Variants in PRKG1 observed in about 807,000 individuals in gnomAD.
PRKG1 encodes protein kinase cGMP-dependent 1.
In PRKG1, 35 loss-of-function variants were observed where a neutral mutation model predicts 88.1. The ratio of observed to expected loss-of-function variants is 0.40; its 90% CI spans 0.30 to 0.53. The LOEUF (loss-of-function observed/expected upper bound fraction) is 0.53. Among genes scored for constraint, PRKG1 ranks in the 20% least tolerant of loss-of-function variants. PRKG1 has a pLI of 0.59. For synonymous variants in PRKG1, 303 were observed against 292.5 expected, an observed-to-expected ratio of 1.04 and a Z score of -0.37; for missense variants, 540 against 839.8, an observed-to-expected ratio of 0.64 and a Z score of 4.41.
At chr10:51,878,758 G>A (rs1841365426) in intron 4 of PRKG1, among the ~76,000 whole-genome samples, 1 of 152,140 alleles carries the variant, frequency 6.6e-6, no homozygotes, top group African/African-American at 2.4e-5. Flanking sequence ...ACTGACTAGA[G>A]CTGGCTATTT....
Position 51,232,663 on chromosome 10 carries a change from T to C in PRKG1, c.478+79333T>C, listed in dbSNP as rs139002432. ...TACCTCAGTGCAATGGAAAAAAAAA[T>C]TCTTGACAAAAGGATCAAATAGAAG... On this transcript the variant is annotated intron_variant, in intron 2 of 17. Transcript: ENST00000373980. Among the ~76,000 whole-genome samples, 457 of 152,190 alleles carry C rather than the reference T, an allele frequency of 3.0e-3. 1 individual carries two copies. The highest frequency in any genetic ancestry group is 0.01 in the African/African-American group (425 of 41,510).
intron 2 of PRKG1, among the ~76,000 whole-genome samples, chr10:51,453,108 C>G (rs1384268755): frequency 1.3e-5 from 2 of 151,734 alleles, no homozygotes; most frequent in Non-Finnish European, 2.9e-5. Context: ...TTGAATGATC[C>G]TTTGTATTTC....
intron 7 of PRKG1, among the ~76,000 whole-genome samples, chr10:52,088,984 T>C (rs1190173455): frequency 6.6e-6 from 1 of 152,218 alleles, no homozygotes; most frequent in Non-Finnish European, 1.5e-5. Flanking sequence ...TTATTTCAGA[T>C]GTATTTCTGT....
chr10:51,256,661 G>C, intron 2 of PRKG1, among the ~76,000 whole-genome samples: 1 of 151,156 alleles, frequency 6.6e-6, no homozygotes, highest in South Asian at 2.1e-4. Flanking sequence ...TAGACAAATA[G>C]AAAGACACAG....
intron 3 of PRKG1, among the ~76,000 whole-genome samples, chr10:51,472,939 G>C (rs1443977013): frequency 1.3e-5 from 2 of 151,924 alleles, no homozygotes; most frequent in East Asian, 3.9e-4. Flanking sequence ...AAGGGGAGAA[G>C]ACACAAATTA....
intron 2 of PRKG1, among the ~76,000 whole-genome samples, chr10:51,339,494 T>G (rs1327450376): frequency 6.6e-6 from 1 of 151,900 alleles, no homozygotes; most frequent in East Asian, 1.9e-4. Context: ...ATAATTTTAA[T>G]TTTCATTATA....
chr10:51,595,451 A>G (rs1838419876), intron 3 of PRKG1, among the ~76,000 whole-genome samples: 1 of 152,126 alleles, frequency 6.6e-6, no homozygotes, highest in Non-Finnish European at 1.5e-5. Context: ...CAACATGGTA[A>G]AATCCTGTTT....
At chr10:51,084,846 TC>T (rs1844208923) in intron 1 of PRKG1, among the ~76,000 whole-genome samples, 1 of 152,174 alleles carries the variant, frequency 6.6e-6, no homozygotes. Flanking sequence ...ACAAATACAC[TC>T]TAGTTAAGCA....
chr10:51,165,423 G>C (rs541987250), intron 2 of PRKG1, among the ~76,000 whole-genome samples: 14 of 151,852 alleles, frequency 9.2e-5, no homozygotes, highest in East Asian at 1.9e-4. Flanking sequence ...AGGAACAACC[G>C]GTACCAGCCA....
chr10:51,780,628 T>C lies in PRKG1; in HGVS notation c.593-23957T>C, dbSNP rs574868949. On this transcript the variant is annotated intron_variant, in intron 3 of 17. Coordinates refer to ENST00000373980, the MANE Select transcript of PRKG1 (RefSeq NM_006258.4). ...TTTCTGGACCCTATAATTGAGTCTG[T>C]CTCTGTGTTACCAGTTCCTCAAATT... 4.6e-5 allele frequency among the ~76,000 whole-genome samples: 7 copies of C among 152,292 alleles called. No homozygotes were observed. In the East Asian group the frequency reaches 1.2e-3, roughly 25 times the overall value.
intron 1 of PRKG1, among the ~76,000 whole-genome samples, chr10:51,028,384 A>G (rs1163000907): frequency 1.3e-5 from 2 of 152,136 alleles, no homozygotes; most frequent in Admixed American, 6.6e-5. Flanking sequence ...AGTGAAGTTG[A>G]GTGGCGCTGT....
At chr10:51,515,716 C>T (rs773152923) in intron 3 of PRKG1, among the ~76,000 whole-genome samples, 11 of 152,128 alleles carry the variant, frequency 7.2e-5, no homozygotes, top group African/African-American at 1.9e-4. Context: ...TTCCAATCAA[C>T]GCAGGATATT....
intron 2 of PRKG1, among the ~76,000 whole-genome samples, chr10:51,254,702 A>G (rs1839512698): frequency 1.3e-5 from 2 of 152,038 alleles, no homozygotes; most frequent in South Asian, 4.1e-4. Flanking sequence ...TAGATGTTGT[A>G]TAAAGATGGA....
intron 2 of PRKG1, among the ~76,000 whole-genome samples, chr10:51,435,371 C>T (rs1005378229): frequency 6.6e-6 from 1 of 151,250 alleles, no homozygotes; most frequent in Admixed American, 6.6e-5. Context: ...GGTGTGAACT[C>T]CTGGCCTTGA....
intron 2 of PRKG1, among the ~76,000 whole-genome samples, chr10:51,164,446 G>GA (rs1846469701): frequency 6.6e-6 from 1 of 152,074 alleles, no homozygotes; most frequent in African/African-American, 2.4e-5. Context: ...CAAAGATGGG[G>GA]AAAAAACAGA....
At chr10:51,609,960 G>T (rs1005820128) in intron 3 of PRKG1, among the ~76,000 whole-genome samples, 1 of 152,012 alleles carries the variant, frequency 6.6e-6, no homozygotes, top group Non-Finnish European at 1.5e-5. Context: ...TATGTAACCT[G>T]CACATCCTGC....
intron 9 of PRKG1, among the ~76,000 whole-genome samples, chr10:52,195,161 T>A (rs946303105): frequency 6.6e-6 from 1 of 152,120 alleles, no homozygotes; most frequent in African/African-American, 2.4e-5. Flanking sequence ...GAGAGATGTA[T>A]GCAAAATGGA....
chr10:52,024,261 C>T (rs1192490819), intron 5 of PRKG1, among the ~76,000 whole-genome samples: 2 of 151,664 alleles, frequency 1.3e-5, no homozygotes, highest in East Asian at 3.9e-4. Flanking sequence ...ACTTTCTTCA[C>T]AGAATTGGAA....
chr10:51,293,015 T>A (rs2132225246), intron 2 of PRKG1, among the ~76,000 whole-genome samples: 1 of 152,264 alleles, frequency 6.6e-6, no homozygotes, highest in Non-Finnish European at 1.5e-5. Flanking sequence ...AGTATCTTGG[T>A]TGGTTACATA....
Sources: gnomAD v4.1 joint callset for allele counts (sites outside exome capture counted in the v4.1 genomes callset) on GRCh38, gnomAD v4.1.1 for gene constraint, MANE v1.5 for transcripts, NCBI Gene and HGNC (gene_info 2026-07-23, HGNC 2026-07-21) for gene names.